Variants in OSBPL3 observed in about 807,000 individuals in gnomAD.
OSBPL3 encodes oxysterol-binding protein-related protein 3.
A neutral mutation model predicts 120.1 loss-of-function variants in OSBPL3; 65 were observed. The ratio of observed to expected loss-of-function variants is 0.54; its 90% CI spans 0.44 to 0.67. OSBPL3 has a LOEUF of 0.67. OSBPL3 is among the 30% of genes least tolerant of loss of function. The probability of loss-of-function intolerance (pLI) is 0.00; values close to 1 mark genes in which losing one functional copy is unlikely to be tolerated. For missense variants in OSBPL3, 1,004 were observed against 1,082.1 expected (o/e 0.93, Z 1.01); for synonymous variants, 416 against 402.6 (o/e 1.03, Z -0.40).
chr7:24,944,244 G>A (rs542568306), intron 1 of OSBPL3, among the ~76,000 whole-genome samples: 54 of 152,172 alleles, frequency 3.5e-4, no homozygotes, highest in Non-Finnish European at 6.9e-4. Context: ...GAGACTTTGA[G>A]CAAAGGCTTC....
rs1401949893 is a variant in OSBPL3, at chr7:24,940,147, G to A, written c.-150+39739C>T. Among the ~76,000 whole-genome samples the A allele has an allele frequency of 6.6e-6, 1 of 152,136 alleles. No homozygotes were observed. The highest frequency in any genetic ancestry group is 1.9e-4 in the East Asian group (1 of 5,198). ...TTCTTGAAGAGCATAATAAAGGTTT[G>A]AAATAGCTGCTACAAAAAAAATGGG... is the stretch of plus-strand genomic sequence containing the variant. On this transcript the variant is annotated intron_variant, in intron 1 of 22. Transcript: ENST00000313367. The surrounding 1 kb of genome is among the most constrained non-coding windows in gnomAD (Gnocchi z 4.4).
intron 1 of OSBPL3, among the ~76,000 whole-genome samples, chr7:24,917,789 A>T (rs1340224939): frequency 2.0e-5 from 3 of 152,172 alleles, no homozygotes. Flanking sequence ...GCTCTTAAAC[A>T]TTCACTCTTA....
chr7:24,841,818 C>T (rs998750281), intron 13 of OSBPL3, among the ~76,000 whole-genome samples: 13 of 150,810 alleles, frequency 8.6e-5, no homozygotes, highest in African/African-American at 2.9e-4. Flanking sequence ...TTGAGACCAG[C>T]GTGGCCAACA....
chr7:24,819,143 C>G lies in OSBPL3; in HGVS notation c.1948+1032G>C. Among the ~76,000 whole-genome samples the G allele has an allele frequency of 6.6e-6, 1 of 151,660 alleles. No individual in the cohort carries two copies. Among genetic ancestry groups the G allele is most frequent in the Non-Finnish European group, 1.5e-5 (1 of 67,996 alleles). ...TGGCGCATGCCTGTAGTCCCAGCTA[C>G]TCGGGAGGCTGAGACAGGAGAATCA... On this transcript the variant is annotated intron_variant, in intron 17 of 22. Transcript: ENST00000313367. The surrounding 1 kb of genome is among the most constrained non-coding windows in gnomAD (Gnocchi z 4.1).
intron 1 of OSBPL3, among the ~76,000 whole-genome samples, chr7:24,963,626 G>A (rs1312400162): frequency 2.6e-5 from 4 of 152,236 alleles, no homozygotes; most frequent in Admixed American, 2.6e-4. Context: ...GAATCTGCCA[G>A]CATAGCATGG....
At chr7:24,941,027 G>C (rs1286526784) in intron 1 of OSBPL3, among the ~76,000 whole-genome samples, 1 of 152,072 alleles carries the variant, frequency 6.6e-6, no homozygotes, top group Non-Finnish European at 1.5e-5. Context: ...CACCATGTTA[G>C]CCAGGATTGT....
rs1317132260 is a variant in OSBPL3 at position 24,824,750 on chromosome 7, AT to A, written c.1885-4513del. On this transcript the variant is annotated intron_variant, in intron 16 of 22. Coordinates refer to ENST00000313367, the MANE Select transcript of OSBPL3 (RefSeq NM_015550.4). The surrounding 1 kb of genome is among the most constrained non-coding windows in gnomAD (Gnocchi z 4.9). Reference sequence around the variant, plus strand: ...AGAAGCACATAATTTGTCAGTAGAAATTGTGTTAAGGAAAATAAAGCAGGGC... The same window carrying A: ...AGAAGCACATAATTTGTCAGTAGAAATGTGTTAAGGAAAATAAAGCAGGGC... Among the ~76,000 whole-genome samples the A allele has an allele frequency of 6.6e-6, 1 of 152,214 alleles. No individual in the cohort carries two copies. The highest frequency in any genetic ancestry group is 1.9e-4 in the East Asian group (1 of 5,200).
intron 1 of OSBPL3, among the ~76,000 whole-genome samples, chr7:24,942,856 C>A (rs1813260946): frequency 6.6e-6 from 1 of 152,156 alleles, no homozygotes; most frequent in Non-Finnish European, 1.5e-5. Context: ...CAAACTTTGC[C>A]ATCAAATGAA....
In OSBPL3 at chr7:24,966,224, G is replaced by A. The variant is rs895735301; in HGVS notation, c.-150+13662C>T. Among the ~76,000 whole-genome samples the A allele has an allele frequency of 1.3e-5, 2 of 152,206 alleles. No individual in the cohort carries two copies. Among genetic ancestry groups the A allele is most frequent in the Non-Finnish European group, 2.9e-5 (2 of 68,042 alleles). Reference sequence around the variant, plus strand: ...CGCGAAGAGAAATCCAGCACCTGCGGAGACCACACACTGCACATTTTACAA... The same window carrying A: ...CGCGAAGAGAAATCCAGCACCTGCGAAGACCACACACTGCACATTTTACAA... On this transcript the variant is annotated intron_variant, in intron 1 of 22. Transcript: ENST00000313367. This position sits in a 1 kb window ranked among gnomAD's most constrained non-coding sequence, Gnocchi z 4.8.
intron 1 of OSBPL3, among the ~76,000 whole-genome samples, chr7:24,911,654 C>A (rs1486736227): frequency 6.6e-6 from 1 of 152,056 alleles, no homozygotes; most frequent in Non-Finnish European, 1.5e-5. Flanking sequence ...AATCGAAGTC[C>A]CCAAGATATA....
Position 24,865,411 on chromosome 7 carries a change from A to G in OSBPL3, c.604T>C (p.Ser202Pro), listed in dbSNP as rs1801165700. Residue 202 changes from serine (S) to proline (P), a missense_variant, in exon 7 of 23, where the codon TCT (serine) becomes CCT (proline). Transcript: ENST00000313367. Reference protein sequence around the residue: ...LFQTGSNVSFSCGGETRVPLW... With the variant: ...LFQTGSNVSFPCGGETRVPLW... ...GGAACTCGTGTCTCACCACCACAAG[A>G]AAATGATACATTGCTTCCAGTTTGA... 8 of 1,613,498 alleles carry G rather than the reference A, an allele frequency of 5.0e-6. No individual in the cohort carries two copies. Among genetic ancestry groups the G allele is most frequent in the Non-Finnish European group, 6.8e-6 (8 of 1,179,382 alleles).
Position 24,806,888 on chromosome 7 carries a change from C to T in OSBPL3, c.2332G>A (p.Gly778Ser). 5 of 1,610,882 alleles carry T rather than the reference C, an allele frequency of 3.1e-6. No homozygotes were observed. Among genetic ancestry groups the T allele is most frequent in the Non-Finnish European group, 4.2e-6 (5 of 1,178,586 alleles). ...CVWRANPMPK[G>S]YEQYYSFTQF... ...GTGAAGCTATAGTATTGCTCGTAGC[C>T]TTTCGGCATAGGATCTAAGAAGAAA... The change falls in exon 21 of 23, where the codon GGC (glycine) becomes AGC (serine). Residue 778 changes from glycine to serine, a missense_variant. Gly to Ser is a moderately conservative substitution (Grantham distance 56). Coordinates refer to ENST00000313367, the MANE Select transcript of OSBPL3 (RefSeq NM_015550.4). The surrounding 1 kb of genome is among the most constrained non-coding windows in gnomAD (Gnocchi z 5.2).
At position 24,803,823 on chromosome 7, in the gene OSBPL3, T is replaced by G. The variant is rs1449455445; in HGVS notation, c.2567+492A>C. Among the ~76,000 whole-genome samples, 1 of 152,168 alleles carries G rather than the reference T, an allele frequency of 6.6e-6. No homozygotes were observed. The highest frequency in any genetic ancestry group is 2.4e-5 in the African/African-American group (1 of 41,424). On this transcript the variant is annotated intron_variant, in intron 22 of 22. Transcript: ENST00000313367. The surrounding 1 kb of genome is among the most constrained non-coding windows in gnomAD (Gnocchi z 4.2). Reference sequence around the variant, plus strand: ...AACAAGACCTTCTTGGCAAGTTATTTTAAAGATAACAGTAAATGTAAGCCC... The same window carrying G: ...AACAAGACCTTCTTGGCAAGTTATTGTAAAGATAACAGTAAATGTAAGCCC...
chr7:24,970,406 C>G (rs1816875629), intron 1 of OSBPL3, among the ~76,000 whole-genome samples: 1 of 152,052 alleles, frequency 6.6e-6, no homozygotes, highest in African/African-American at 2.4e-5. Flanking sequence ...GCACTCAGCC[C>G]CTTCATCCCT....
rs143782308 is a variant in OSBPL3, at chr7:24,813,268, A to AG, written c.2172+1790dup. 6.8e-3 allele frequency among the ~76,000 whole-genome samples: 1,039 copies of AG among 152,300 alleles called. 14 individuals carry two copies. The highest frequency in any genetic ancestry group is 0.023 in the African/African-American group (948 of 41,550). ...GCTGAGAATTTGCTGGAAGCCACCA[A>AG]GGGACACTGTCACCTTCCACAGGCG... On this transcript the variant is annotated intron_variant, in intron 19 of 22. Coordinates refer to ENST00000313367, the MANE Select transcript of OSBPL3 (RefSeq NM_015550.4). This position sits in a 1 kb window ranked among gnomAD's most constrained non-coding sequence, Gnocchi z 4.5.
At position 24,808,056 on chromosome 7, in the gene OSBPL3, A is replaced by G. The variant is rs1283282073; in HGVS notation, c.2318-1154T>C. On this transcript the variant is annotated intron_variant, in intron 20 of 22. Transcript: ENST00000313367. This position sits in a 1 kb window ranked among gnomAD's most constrained non-coding sequence, Gnocchi z 4.6. ...GGGACTACAGTAGATGCACACCACC[A>G]TGCCTGGCTAATCTTTGTATTTTTA... Among the ~76,000 whole-genome samples the G allele has an allele frequency of 1.3e-5, 2 of 152,126 alleles. No homozygotes were observed. The highest frequency in any genetic ancestry group is 2.9e-5 in the Non-Finnish European group (2 of 67,988).
At position 24,822,310 on chromosome 7, in the gene OSBPL3, A is replaced by C. The variant is rs78334416; in HGVS notation, c.1885-2072T>G. ...GAAACCATGGGATCATATAAAACAA[A>C]ATCAAGGTGCAGTGGCATAGCCCTG... On this transcript the variant is annotated intron_variant, in intron 16 of 22. Coordinates refer to ENST00000313367, the MANE Select transcript of OSBPL3 (RefSeq NM_015550.4). This position sits in a 1 kb window ranked among gnomAD's most constrained non-coding sequence, Gnocchi z 5.8. 0.011 allele frequency among the ~76,000 whole-genome samples: 1,658 copies of C among 152,266 alleles called. 38 individuals carry two copies. Among genetic ancestry groups the C allele is most frequent in the African/African-American group, 0.039 (1,604 of 41,548 alleles).
At position 24,804,361 on chromosome 7, in the gene OSBPL3, G is replaced by A. The variant is rs545923137; in HGVS notation, c.2521C>T (p.Arg841Trp). ...RIEQLQRERR[R>W]VLEENHVEHQ... ...TCCACATGATTTTCTTCTAAGACCC[G>A]CCGCCTTTCTCTCTGCAGTTGTTCA... Residue 841 changes from arginine to tryptophan, a missense_variant, in exon 22 of 23, where the codon CGG becomes TGG. By Grantham distance (101) the Arg-to-Trp change is moderately radical (BLOSUM62 -3). Transcript: ENST00000313367. This position sits in a 1 kb window ranked among gnomAD's most constrained non-coding sequence, Gnocchi z 5.4. 5.6e-6 allele frequency: 9 copies of A among 1,613,818 alleles called. No homozygotes were observed. In the African/African-American group the frequency reaches 8.0e-5, roughly 14 times the overall value.
In OSBPL3 at chr7:24,808,787, G is replaced by A. The variant is rs1255638607; in HGVS notation, c.2317+1020C>T. Among the ~76,000 whole-genome samples the A allele has an allele frequency of 1.3e-5, 2 of 152,178 alleles. No homozygotes were observed. The highest frequency in any genetic ancestry group is 2.4e-5 in the African/African-American group (1 of 41,430). The stretch of plus-strand genomic sequence containing the variant: ...ACTCTGTTGCCCGTGACTGGTTCAC[G>A]GATGGGTCTGAACCCACTGCAGGCT... On this transcript the variant is annotated intron_variant, in intron 20 of 22. Transcript: ENST00000313367. This position sits in a 1 kb window ranked among gnomAD's most constrained non-coding sequence, Gnocchi z 4.6.
Sources: allele counts gnomAD v4.1 joint callset (sites outside exome capture counted in the v4.1 genomes callset), GRCh38; gene constraint gnomAD v4.1.1; non-coding constraint Gnocchi (gnomAD v3.1); transcripts MANE v1.5; gene names NCBI Gene and HGNC (gene_info 2026-07-23, HGNC 2026-07-21).